Variants in SRGAP2 observed in about 807,000 individuals in gnomAD.
SRGAP2 encodes SLIT-ROBO Rho GTPase-activating protein 2.
In SRGAP2, 15 loss-of-function variants were observed where a neutral mutation model predicts 57.2. The observed-to-expected ratio is 0.26, with a 90% confidence interval of 0.18 to 0.40. The LOEUF (loss-of-function observed/expected upper bound fraction) is 0.40, where lower values mean the gene tolerates loss of function less well. Among genes scored for constraint, SRGAP2 ranks in the 10% least tolerant of loss-of-function variants. The pLI, the probability that SRGAP2 is intolerant of heterozygous loss-of-function variation, is 1.00. For synonymous variants in SRGAP2, 249 were observed against 248.0 expected, an observed-to-expected ratio of 1.00 and a Z score of -0.04; for missense variants, 520 against 669.6, an observed-to-expected ratio of 0.78 and a Z score of 2.47.
intron 2 of SRGAP2, among the ~76,000 whole-genome samples, chr1:206,266,329 C>T (rs1481133145): frequency 6.6e-6 from 1 of 151,636 alleles, no homozygotes; most frequent in African/African-American, 2.4e-5. Context: ...CTGCACCCTC[C>T]GCCTCCTGGT....
chr1:206,304,977 A>G (rs1349720420), intron 3 of SRGAP2, among the ~76,000 whole-genome samples: 4 of 148,474 alleles, frequency 2.7e-5, no homozygotes, highest in Non-Finnish European at 5.9e-5. Flanking sequence ...TATGTTGCCC[A>G]GTTTGGTCTC....
chr1:206,457,816 AG>A (rs1184699543), intron 21 of SRGAP2, among the ~76,000 whole-genome samples: 3 of 152,196 alleles, frequency 2.0e-5, no homozygotes, highest in African/African-American at 7.2e-5. Context: ...TCAAGATCAG[AG>A]CTGTTCAGCA....
rs1558447482 is a variant in SRGAP2 at position 206,450,464 on chromosome 1, CGGTACGAGGCCCTGCTTCCT to C, written c.2179+3_2179+22del. 3.8e-6 allele frequency: 3 copies of C among 780,580 alleles called. No individual in the cohort carries two copies. In the African/African-American group the frequency reaches 5.1e-5, roughly 13 times the overall value. The allele number at this position is 780,580 out of a possible 1,614,324, so 48.4% of individuals were successfully genotyped here. On this transcript the variant is annotated splice_donor_variant and splice_donor_5th_base_variant and coding_sequence_variant and intron_variant, in exon 19 of 23. Transcript: ENST00000573034. LOFTEE classifies it high-confidence loss of function. ...CCGCAGAGCACCACACGAGCGATGA[CGGTACGAGGCCCTGCTTCCT>C]GGTCAGTGGGGACGCCAGGGGTGAG...
intron 2 of SRGAP2, among the ~76,000 whole-genome samples, chr1:206,244,308 G>T (rs1553309761): frequency 1.1e-5 from 1 of 87,876 alleles, no homozygotes; most frequent in Admixed American, 1.1e-4. Context: ...GTCATGCTCC[G>T]TCACCCAGGC....
intron 14 of SRGAP2, among the ~76,000 whole-genome samples, chr1:206,431,002 A>C (rs1553368170): frequency 6.6e-6 from 1 of 152,172 alleles, no homozygotes; most frequent in East Asian, 1.9e-4. Context: ...CTGTGATAGG[A>C]AAAGGGGCAG....
At chr1:206,229,875 G>C (rs1667513126) in intron 2 of SRGAP2, among the ~76,000 whole-genome samples, 2 of 151,440 alleles carry the variant, frequency 1.3e-5, no homozygotes, top group Admixed American at 6.6e-5. Flanking sequence ...ACAACAGGCA[G>C]TTGCAGCAGT....
intron 4 of SRGAP2, among the ~76,000 whole-genome samples, chr1:206,383,602 A>G (rs1355879455): frequency 2.0e-5 from 3 of 151,760 alleles, no homozygotes; most frequent in African/African-American, 7.3e-5. Flanking sequence ...ATGTTTATAT[A>G]CTTTTTCCTA....
At chr1:206,412,140 A>G (rs1659274534) in intron 10 of SRGAP2, among the ~76,000 whole-genome samples, 1 of 152,242 alleles carries the variant, frequency 6.6e-6, no homozygotes, top group African/African-American at 2.4e-5. Context: ...TAATGCAACT[A>G]AAACGTCTAT....
At chr1:206,449,066 G>T (rs1421326835) in intron 18 of SRGAP2, among the ~76,000 whole-genome samples, 1 of 152,052 alleles carries the variant, frequency 6.6e-6, no homozygotes, top group Non-Finnish European at 1.5e-5. Context: ...AGGCTGAGTG[G>T]GTGATGGTGC....
chr1:206,309,323 C>T (rs1270167115), intron 3 of SRGAP2, among the ~76,000 whole-genome samples: 2 of 151,882 alleles, frequency 1.3e-5, no homozygotes, highest in Non-Finnish European at 2.9e-5. Flanking sequence ...AATGATAGCT[C>T]TTTGATAGCA....
chr1:206,377,387 G>C (rs1410685810), intron 4 of SRGAP2, among the ~76,000 whole-genome samples: 1 of 150,954 alleles, frequency 6.6e-6, no homozygotes, highest in Admixed American at 6.6e-5. Flanking sequence ...ACTGAAGCTG[G>C]ATCATTATAA....
At chr1:206,301,099 T>G (rs1264393510) in intron 2 of SRGAP2, among the ~76,000 whole-genome samples, 2 of 152,228 alleles carry the variant, frequency 1.3e-5, no homozygotes, top group African/African-American at 4.8e-5. Context: ...TGGTGCGATC[T>G]CTGCTCAGTG....
intron 7 of SRGAP2, 42 bp from the exon 8 acceptor site, chr1:206,401,379 G>C: frequency 1.5e-6 from 1 of 675,414 alleles, no homozygotes; most frequent in South Asian, 1.7e-5. Context: ...CCAAGCCTTG[G>C]GGCTGTCCAT....
chr1:206,231,442 T>C (rs2102517396), intron 2 of SRGAP2, among the ~76,000 whole-genome samples: 1 of 151,810 alleles, frequency 6.6e-6, no homozygotes, highest in East Asian at 1.9e-4. Context: ...AGCAGGTATA[T>C]GGGGCTAAAA....
chr1:206,458,309 G>T, intron 21 of SRGAP2: 1 of 546,030 alleles, frequency 1.8e-6, no homozygotes. Flanking sequence ...CACAGAAGGG[G>T]CCTTTCCATG....
At chr1:206,458,172 T>G (rs10864212) in intron 21 of SRGAP2, among the ~76,000 whole-genome samples, 43,216 of 152,134 alleles carry the variant, frequency 0.28, 6,969 homozygotes, top group East Asian at 0.66. Flanking sequence ...GTTACAGTCT[T>G]TTTGGAAAAA....
At chr1:206,459,337 T>C (rs1664079983) in intron 22 of SRGAP2, among the ~76,000 whole-genome samples, 1 of 152,210 alleles carries the variant, frequency 6.6e-6, no homozygotes, top group East Asian at 1.9e-4. Context: ...ATGTTTATAT[T>C]GCTGTGCCCA....
chr1:206,434,920 G>A (rs886120720), intron 14 of SRGAP2, among the ~76,000 whole-genome samples: 2 of 152,216 alleles, frequency 1.3e-5, no homozygotes, highest in Non-Finnish European at 2.9e-5. Context: ...CCTGGTTTCC[G>A]AGATGACATT....
intron 2 of SRGAP2, among the ~76,000 whole-genome samples, chr1:206,225,367 T>A (rs1349063136): frequency 6.6e-6 from 1 of 150,652 alleles, no homozygotes; most frequent in Non-Finnish European, 1.5e-5. Context: ...GCTGCCGAGA[T>A]GGGTGTGGGG....
Sources: allele counts gnomAD v4.1 joint callset (sites outside exome capture counted in the v4.1 genomes callset), GRCh38; gene constraint gnomAD v4.1.1; transcripts MANE v1.5; gene names NCBI Gene and HGNC (gene_info 2026-07-23, HGNC 2026-07-21).